GRIA2: variants seen among roughly 807,000 people sequenced by gnomAD.
GRIA2 encodes the protein glutamate receptor 2.
Under a neutral mutation model 97.3 loss-of-function variants are expected in GRIA2, and 14 were observed. The ratio of observed to expected loss-of-function variants is 0.14; its 90% confidence interval spans 0.10 to 0.23. The LOEUF (loss-of-function observed/expected upper bound fraction) is 0.23, where lower values mean the gene tolerates loss of function less well. Among genes scored for constraint, GRIA2 ranks in the 10% least tolerant of loss-of-function variants. The pLI is 1.00. For missense variants in GRIA2, 558 were observed against 1,069.8 expected (o/e 0.52, Z 6.67); for synonymous variants, 412 against 387.8 (o/e 1.06, Z -0.73).
chr4:157,267,513 A>G (rs1280422453), intron 2 of GRIA2, among the ~76,000 whole-genome samples: 1 of 152,040 alleles, frequency 6.6e-6, no homozygotes, highest in Non-Finnish European at 1.5e-5. Flanking sequence ...TTAAAGACCT[A>G]TCATCCTGCT....
chr4:157,354,734 G>T (rs1308491636), intron 12 of GRIA2, among the ~76,000 whole-genome samples: 1 of 152,082 alleles, frequency 6.6e-6, no homozygotes, highest in Non-Finnish European at 1.5e-5. Flanking sequence ...TGTGCACAAG[G>T]GTCCCAGCAC....
At chr4:157,221,455 G>T in intron 1 of GRIA2, 1 of 588,490 alleles carries the variant, frequency 1.7e-6, no homozygotes, top group Non-Finnish European at 3.0e-6. Context: ...AAGGTTTCTG[G>T]CCGCCTACCT....
Position 157,361,420 on chromosome 4 carries a change from C to A in GRIA2, c.2406+296C>A. The A allele has an allele frequency of 1.2e-6, 1 of 817,638 alleles. No individual in the cohort carries two copies. Among genetic ancestry groups the A allele is most frequent in the Non-Finnish European group, 2.0e-6 (1 of 505,262 alleles). The allele number at this position is 817,638 out of a possible 1,614,324, so 50.6% of individuals were successfully genotyped here. Reference sequence around the variant, plus strand: ...TTGGCTCTGCAAATCTTACCGTTTGCTTAGGCCAAATGGCGCATCAATGAC... The same window carrying A: ...TTGGCTCTGCAAATCTTACCGTTTGATTAGGCCAAATGGCGCATCAATGAC... On this transcript the variant is annotated intron_variant, in intron 14 of 15. Transcript: ENST00000264426. The surrounding 1 kb of genome is among the most constrained non-coding windows in gnomAD (Gnocchi z 5.2).
intron 2 of GRIA2, among the ~76,000 whole-genome samples, chr4:157,302,491 G>C (rs1477690613): frequency 6.6e-6 from 1 of 152,056 alleles, no homozygotes; most frequent in South Asian, 2.1e-4. Flanking sequence ...TTTGAATGTA[G>C]CATCTATCTC....
chr4:157,270,162 G>T (rs1261871642), intron 2 of GRIA2, among the ~76,000 whole-genome samples: 2 of 151,968 alleles, frequency 1.3e-5, no homozygotes, highest in Non-Finnish European at 2.9e-5. Flanking sequence ...TCAGTTTTTT[G>T]AATGAGGGTT....
rs1736636817 is a variant in GRIA2, at chr4:157,361,677, A to G, written c.2406+553A>G. Reference sequence around the variant, plus strand: ...GGTCAGTTGCTGCAGGTTTTATGTGAAAAAACAAAATCAAACACAAACAGC... The same window carrying G: ...GGTCAGTTGCTGCAGGTTTTATGTGGAAAAACAAAATCAAACACAAACAGC... On this transcript the variant is annotated intron_variant, in intron 14 of 15. Transcript: ENST00000264426. This position sits in a 1 kb window ranked among gnomAD's most constrained non-coding sequence, Gnocchi z 5.2. 6.6e-7 allele frequency: 1 copy of G among 1,521,478 alleles called. No individual in the cohort carries two copies. 94.2% of individuals were successfully genotyped at this position (1,521,478 alleles called of 1,614,324 possible).
intron 6 of GRIA2, among the ~76,000 whole-genome samples, chr4:157,332,534 A>AG (rs941943713): frequency 2.0e-4 from 30 of 151,782 alleles, no homozygotes; most frequent in African/African-American, 6.3e-4. Flanking sequence ...TTAGAAAAAA[A>AG]AAAAGAAAAA....
chr4:157,287,686 G>A (rs1306661683), intron 2 of GRIA2, among the ~76,000 whole-genome samples: 2 of 151,570 alleles, frequency 1.3e-5, no homozygotes, highest in African/African-American at 4.8e-5. Flanking sequence ...TCCACTCAGA[G>A]CAGAGTCGAG....
chr4:157,232,837 T>C (rs1003932077), intron 2 of GRIA2, among the ~76,000 whole-genome samples: 7 of 152,200 alleles, frequency 4.6e-5, no homozygotes, highest in Admixed American at 1.3e-4. Flanking sequence ...GTTAAGCATC[T>C]GCACTTAGAA....
Position 157,363,592 on chromosome 4 carries a change from T to C in GRIA2, c.*161T>C, listed in dbSNP as rs1003584931. The C allele has an allele frequency of 8.1e-6, 10 of 1,232,902 alleles. No homozygotes were observed. The highest frequency in any genetic ancestry group is 1.0e-5 in the Non-Finnish European group (10 of 986,936). The allele number at this position is 1,232,902 out of a possible 1,614,324, so 76.4% of individuals were successfully genotyped here. A position where few individuals can be genotyped will look rare whatever the true frequency, so the allele number is the denominator to read the frequency against. ...GGAATGAATGTCAGTGTGACTGATC[T>C]CTCGTGATTGATAAGAACCTTTTGA... On this transcript the variant is annotated 3_prime_UTR_variant, in exon 16 of 16. Coordinates refer to ENST00000264426, the MANE Select transcript of GRIA2 (RefSeq NM_001083619.3).
chr4:157,272,062 C>A (rs1732051718), intron 2 of GRIA2, among the ~76,000 whole-genome samples: 1 of 152,032 alleles, frequency 6.6e-6, no homozygotes, highest in African/African-American at 2.4e-5. Flanking sequence ...TGTAGATCAA[C>A]CAGCTGTGAG....
intron 2 of GRIA2, among the ~76,000 whole-genome samples, chr4:157,228,790 CAAAAAA>C (rs5863257): frequency 1.0e-4 from 4 of 39,768 alleles, no homozygotes; most frequent in African/African-American, 3.7e-4. Flanking sequence ...GATTCCATCT[CAAAAAA>C]AAAAAAAAAA....
chr4:157,321,868 G>T (rs534916151), intron 6 of GRIA2, among the ~76,000 whole-genome samples: 1 of 151,664 alleles, frequency 6.6e-6, no homozygotes, highest in East Asian at 1.9e-4. Context: ...AATCCATTTG[G>T]CATTTTTATT....
At chr4:157,286,652 A>G (rs1032207607) in intron 2 of GRIA2, among the ~76,000 whole-genome samples, 1 of 151,128 alleles carries the variant, frequency 6.6e-6, no homozygotes, top group Non-Finnish European at 1.5e-5. Context: ...TTTATGTTAG[A>G]TTTTTATCCT....
intron 2 of GRIA2, among the ~76,000 whole-genome samples, chr4:157,301,612 T>A (rs141029216): frequency 1.3e-5 from 2 of 152,206 alleles, no homozygotes; most frequent in African/African-American, 2.4e-5. Flanking sequence ...ATTTTTTGAT[T>A]GTCTAGAATT....
At chr4:157,356,569 G>T (rs1370177534) in intron 12 of GRIA2, among the ~76,000 whole-genome samples, 3 of 151,940 alleles carry the variant, frequency 2.0e-5, no homozygotes, top group African/African-American at 7.3e-5. Flanking sequence ...CACACAAAGG[G>T]GCTAATTGAG....
chr4:157,310,529 T>G (rs2126881660), intron 3 of GRIA2, among the ~76,000 whole-genome samples: 1 of 152,102 alleles, frequency 6.6e-6, no homozygotes, highest in Non-Finnish European at 1.5e-5. Flanking sequence ...TCTATATCTC[T>G]TTTTTTCCCT....
intron 11 of GRIA2, among the ~76,000 whole-genome samples, chr4:157,337,758 C>A (rs550902966): frequency 6.6e-6 from 1 of 151,362 alleles, no homozygotes; most frequent in East Asian, 2.0e-4. Flanking sequence ...CTTTTGCAAT[C>A]TTTTTAGTAT....
At chr4:157,235,366 T>G (rs1484666426) in intron 2 of GRIA2, among the ~76,000 whole-genome samples, 1 of 152,082 alleles carries the variant, frequency 6.6e-6, no homozygotes, top group Non-Finnish European at 1.5e-5. Flanking sequence ...CAAAATCTTT[T>G]CTTTGTGGCA....
Sources: gnomAD v4.1 joint callset for allele counts (sites outside exome capture counted in the v4.1 genomes callset) on GRCh38, gnomAD v4.1.1 for gene constraint, Gnocchi (gnomAD v3.1) non-coding constraint, MANE v1.5 for transcripts, NCBI Gene and HGNC (gene_info 2026-07-23, HGNC 2026-07-21) for gene names.